PALLD: variants seen among roughly 807,000 people sequenced by gnomAD.
PALLD encodes palladin.
A neutral mutation model predicts 123.5 loss-of-function variants in PALLD; 61 were observed. The ratio of observed to expected loss-of-function variants is 0.49; its 90% confidence interval spans 0.40 to 0.61. The LOEUF is 0.61. Among genes scored for constraint, PALLD ranks in the 20% least tolerant of loss-of-function variants. The pLI is 0.00. For synonymous variants in PALLD, 465 were observed against 496.4 expected (o/e 0.94, Z 0.84); for missense variants, 1,273 against 1,377.0 (o/e 0.92, Z 1.20).
chr4:168,760,032 C>T (rs966852240), intron 10 of PALLD, among the ~76,000 whole-genome samples: 14 of 149,766 alleles, frequency 9.3e-5, no homozygotes, highest in Admixed American at 2.0e-4. Flanking sequence ...CCAGCCTGGG[C>T]GACAGAGACT....
At chr4:168,702,990 G>A (rs1028837802) in intron 8 of PALLD, among the ~76,000 whole-genome samples, 1 of 143,586 alleles carries the variant, frequency 7.0e-6, no homozygotes, top group South Asian at 2.2e-4. Flanking sequence ...CATGTGCCAT[G>A]CTGGTGCGCT....
intron 10 of PALLD, among the ~76,000 whole-genome samples, chr4:168,757,586 G>T (rs1339925420): frequency 6.6e-6 from 1 of 152,200 alleles, no homozygotes; most frequent in African/African-American, 2.4e-5. Flanking sequence ...CAGAAAGAAC[G>T]AAATCTCAGG....
intron 11 of PALLD, among the ~76,000 whole-genome samples, chr4:168,892,909 G>C (rs1754371938): frequency 6.6e-6 from 1 of 152,118 alleles, no homozygotes; most frequent in African/African-American, 2.4e-5. Flanking sequence ...CCACACTTGA[G>C]AGCTTAAAAT....
rs1732795162 is a variant in PALLD at position 168,761,323 on chromosome 4, T to C, written c.1964+49400T>C. ...TCCCCTGTGTTCCTGTGGTCCGCTG[T>C]AGGGCTACTCTGGAGTCTCTGGCTT... On this transcript the variant is annotated intron_variant, in intron 10 of 21. Coordinates refer to ENST00000505667, the MANE Select transcript of PALLD (RefSeq NM_001166108.2). Among the ~76,000 whole-genome samples the C allele has an allele frequency of 2.0e-5, 3 of 152,254 alleles. No homozygotes were observed. The South Asian group carries it at 6.2e-4, about 32-fold the overall frequency.
At chr4:168,732,466 A>G (rs1787272594) in intron 10 of PALLD, among the ~76,000 whole-genome samples, 1 of 152,226 alleles carries the variant, frequency 6.6e-6, no homozygotes, top group Non-Finnish European at 1.5e-5. Context: ...TTTTCTAGAA[A>G]GCCGCTTGCT....
intron 2 of PALLD, among the ~76,000 whole-genome samples, chr4:168,605,946 T>G (rs1290681430): frequency 6.6e-6 from 1 of 151,534 alleles, no homozygotes; most frequent in African/African-American, 2.4e-5. Flanking sequence ...AATTTTTTTT[T>G]AGGGCAAATT....
rs1560937938 is a variant in PALLD at position 168,925,084 on chromosome 4, T to TGC, written c.3358+7_3358+8dup. On this transcript the variant is annotated splice_region_variant and intron_variant, in intron 20 of 21. Transcript: ENST00000505667. ...TGCCAGGCTGGACGTTTACAGTGAG[T>TGC]GCCACTTCATCTCATTTCATTGCGT... 2 of 1,613,806 alleles carry TGC rather than the reference T, an allele frequency of 1.2e-6. No homozygotes were observed. Among genetic ancestry groups the TGC allele is most frequent in the African/African-American group, 2.7e-5 (2 of 74,904 alleles).
chr4:168,565,963 A>AT (rs1026303200), intron 2 of PALLD, among the ~76,000 whole-genome samples: 49 of 151,454 alleles, frequency 3.2e-4, no homozygotes, highest in East Asian at 1.9e-4. Flanking sequence ...AATGGTGTGG[A>AT]TTTTTTTTTC....
At chr4:168,922,777 A>G (rs1392808856) in intron 18 of PALLD, among the ~76,000 whole-genome samples, 2 of 152,178 alleles carry the variant, frequency 1.3e-5, no homozygotes, top group South Asian at 2.1e-4. Context: ...TCTAACCTCA[A>G]ACTAAAACTT....
chr4:168,654,390 A>G (rs1778354403), intron 2 of PALLD, among the ~76,000 whole-genome samples: 1 of 152,180 alleles, frequency 6.6e-6, no homozygotes, highest in Non-Finnish European at 1.5e-5. Context: ...TAGGGCATAC[A>G]GGATATAAGC....
At chr4:168,681,973 A>G (rs1476640134) in intron 4 of PALLD, among the ~76,000 whole-genome samples, 3 of 152,228 alleles carry the variant, frequency 2.0e-5, no homozygotes, top group Non-Finnish European at 4.4e-5. Flanking sequence ...TTATAAATGT[A>G]TGGAAAGAGA....
chr4:168,922,788 C>G (rs1761839970), intron 18 of PALLD, among the ~76,000 whole-genome samples: 1 of 152,196 alleles, frequency 6.6e-6, no homozygotes, highest in Non-Finnish European at 1.5e-5. Flanking sequence ...ACTAAAACTT[C>G]ACTTTTCTGC....
intron 10 of PALLD, among the ~76,000 whole-genome samples, chr4:168,805,598 C>G (rs971890204): frequency 1.3e-5 from 2 of 152,070 alleles, no homozygotes. Flanking sequence ...GTGTTTCCAC[C>G]AGTTGGAATG....
chr4:168,914,086 AT>A, intron 16 of PALLD, 65 bp downstream of exon 16: 2 of 982,330 alleles, frequency 2.0e-6, no homozygotes. Flanking sequence ...ATGTAGTACT[AT>A]TAGAATCATC....
intron 10 of PALLD, among the ~76,000 whole-genome samples, chr4:168,758,999 A>AC (rs1244043779): frequency 6.6e-6 from 1 of 150,788 alleles, no homozygotes; most frequent in African/African-American, 2.4e-5. Context: ...ACATGGTGAA[A>AC]CCCCGTCTCT....
chr4:168,608,256 G>A (rs1273755728), intron 2 of PALLD, among the ~76,000 whole-genome samples: 1 of 152,178 alleles, frequency 6.6e-6, no homozygotes, highest in Non-Finnish European at 1.5e-5. Context: ...TAACTAAAGT[G>A]GTCTGCCGTT....
chr4:168,836,416 A>C (rs1279361433), intron 10 of PALLD, among the ~76,000 whole-genome samples: 2 of 152,244 alleles, frequency 1.3e-5, no homozygotes, highest in Non-Finnish European at 2.9e-5. Context: ...TTCTACTGGC[A>C]AAAGCTTTGT....
chr4:168,681,856 C>T (rs1208736361), intron 4 of PALLD, among the ~76,000 whole-genome samples: 4 of 152,082 alleles, frequency 2.6e-5, no homozygotes, highest in Non-Finnish European at 4.4e-5. Flanking sequence ...CCAGCCCGAA[C>T]ACAATTTTTA....
intron 21 of PALLD, among the ~76,000 whole-genome samples, chr4:168,925,578 A>G (rs1560939172): frequency 6.6e-6 from 1 of 152,204 alleles, no homozygotes; most frequent in Non-Finnish European, 1.5e-5. Context: ...AGCCAGCAGT[A>G]GACTTGTGTT....
Sources: gnomAD v4.1 joint callset for allele counts (sites outside exome capture counted in the v4.1 genomes callset) on GRCh38, gnomAD v4.1.1 for gene constraint, MANE v1.5 for transcripts, NCBI Gene and HGNC (gene_info 2026-07-23, HGNC 2026-07-21) for gene names.